XKR9: variants seen among roughly 807,000 people sequenced by gnomAD.
XKR9 encodes XK-related protein 9.
A neutral mutation model predicts 32.0 loss-of-function variants in XKR9; 32 were observed. The ratio of observed to expected loss-of-function variants is 1.00; its 90% CI spans 0.76 to 1.34. The LOEUF is 1.34. Ranked by LOEUF, XKR9 falls within the 40% of genes most tolerant of loss-of-function variation. The pLI is 0.00. For synonymous variants in XKR9, 168 were observed against 143.4 expected, an observed-to-expected ratio of 1.17 and a Z score of -1.22; for missense variants, 546 against 429.7, an observed-to-expected ratio of 1.27 and a Z score of -2.39.
At chr8:70,930,405 A>C in the XKR9 span, among the ~76,000 whole-genome samples, 1 of 152,096 alleles carries the variant, frequency 6.6e-6, no homozygotes, top group Non-Finnish European at 1.5e-5. Flanking sequence ...ATCTCTCTCA[A>C]AGTTATTTAC....
chr8:70,678,820 G>A (rs1818968160), intron 2 of XKR9, among the ~76,000 whole-genome samples: 2 of 152,182 alleles, frequency 1.3e-5, no homozygotes, highest in Admixed American at 6.5e-5. Flanking sequence ...ATACTTATAA[G>A]TGATAAAATG....
At chr8:71,002,606 T>C in the XKR9 span, among the ~76,000 whole-genome samples, 1 of 152,316 alleles carries the variant, frequency 6.6e-6, no homozygotes, top group South Asian at 2.1e-4. Context: ...TTGATACTAT[T>C]GTAACTACAA....
At chr8:70,702,400 C>T (rs1198677188) in intron 3 of XKR9, among the ~76,000 whole-genome samples, 6 of 152,058 alleles carry the variant, frequency 3.9e-5, no homozygotes, top group Non-Finnish European at 8.8e-5. Flanking sequence ...TTTTAACTTT[C>T]AGTTATTGAA....
downstream of XKR9, among the ~76,000 whole-genome samples, chr8:70,791,318 A>T (rs1807761674): frequency 6.6e-6 from 1 of 152,040 alleles, no homozygotes; most frequent in South Asian, 2.1e-4. Context: ...CACTTAAAAA[A>T]AAAAAAGAAT....
the XKR9 span, among the ~76,000 whole-genome samples, chr8:70,882,401 G>A: frequency 1.7e-4 from 26 of 151,652 alleles, no homozygotes; most frequent in Non-Finnish European, 2.4e-4. Flanking sequence ...CCTGTTTCTA[G>A]TTAAGAATTT....
At chr8:70,969,491 C>T in the XKR9 span, among the ~76,000 whole-genome samples, 4 of 152,186 alleles carry the variant, frequency 2.6e-5, no homozygotes, top group Admixed American at 6.5e-5. Context: ...AGTGCCCTAT[C>T]TCCTTTGGGT....
intron 3 of XKR9, among the ~76,000 whole-genome samples, chr8:70,682,577 A>G (rs1317517138): frequency 1.3e-5 from 2 of 152,192 alleles, no homozygotes; most frequent in Non-Finnish European, 2.9e-5. Context: ...TATACAAAAG[A>G]TGATAGAAGT....
chr8:71,044,673 T>C, the XKR9 span, among the ~76,000 whole-genome samples: 192 of 152,376 alleles, frequency 1.3e-3, 1 homozygote, highest in African/African-American at 4.3e-3. Flanking sequence ...TCTCTCATCA[T>C]GGCAAGATTC....
chr8:70,928,048 G>A, the XKR9 span, among the ~76,000 whole-genome samples: 2 of 152,196 alleles, frequency 1.3e-5, no homozygotes, highest in Admixed American at 6.5e-5. Flanking sequence ...CTAATTTCGT[G>A]TGTGTGTGTT....
intron 4 of XKR9, among the ~76,000 whole-genome samples, chr8:70,728,837 G>A (rs1806565455): frequency 1.3e-5 from 2 of 152,136 alleles, no homozygotes; most frequent in Admixed American, 1.3e-4. Flanking sequence ...ATTGATTTTG[G>A]TGAACTCTGT....
the XKR9 span, among the ~76,000 whole-genome samples, chr8:71,014,754 A>G: frequency 1.3e-5 from 2 of 152,222 alleles, no homozygotes; most frequent in Non-Finnish European, 2.9e-5. Flanking sequence ...CTTTTTGGAA[A>G]GAGTGTACTC....
chr8:70,693,776 G>C (rs1175770411), intron 3 of XKR9, among the ~76,000 whole-genome samples: 1 of 152,184 alleles, frequency 6.6e-6, no homozygotes, highest in African/African-American at 2.4e-5. Flanking sequence ...GTGGGAAATT[G>C]GTTGGCCTCT....
At chr8:71,010,967 G>A in the XKR9 span, among the ~76,000 whole-genome samples, 67,798 of 151,954 alleles carry the variant, frequency 0.45, 16,091 homozygotes, top group Non-Finnish European at 0.53. Context: ...GATAGATGGC[G>A]TGATTAAAAT....
the XKR9 span, among the ~76,000 whole-genome samples, chr8:70,916,914 A>T: frequency 6.8e-6 from 1 of 147,880 alleles, no homozygotes; most frequent in East Asian, 2.0e-4. Context: ...TAGGTACTTT[A>T]TGTTTTTAAT....
the XKR9 span, among the ~76,000 whole-genome samples, chr8:70,997,406 A>G: frequency 6.6e-6 from 1 of 152,192 alleles, no homozygotes; most frequent in Non-Finnish European, 1.5e-5. Flanking sequence ...CTTATATTAA[A>G]CATATTTTTA....
intron 4 of XKR9, among the ~76,000 whole-genome samples, chr8:70,715,931 A>C (rs1427605866): frequency 6.6e-6 from 1 of 152,082 alleles, no homozygotes; most frequent in African/African-American, 2.4e-5. Flanking sequence ...GCTTCTGAGA[A>C]ATTTTTTTCA....
chr8:70,906,173 T>G, the XKR9 span, among the ~76,000 whole-genome samples: 1 of 152,248 alleles, frequency 6.6e-6, no homozygotes, highest in Non-Finnish European at 1.5e-5. Context: ...CAGGGGCGTT[T>G]AAGTCTGCAG....
At chr8:70,987,269 C>G in the XKR9 span, among the ~76,000 whole-genome samples, 1 of 152,200 alleles carries the variant, frequency 6.6e-6, no homozygotes, top group African/African-American at 2.4e-5. Flanking sequence ...AGTGTTAACT[C>G]AAAAGTCCAC....
the XKR9 span, among the ~76,000 whole-genome samples, chr8:70,953,226 A>G: frequency 1.3e-5 from 2 of 152,216 alleles, no homozygotes; most frequent in South Asian, 4.1e-4. Context: ...TTAATTGAGC[A>G]CTCAGTGCTA....
Sources: allele counts gnomAD v4.1 joint callset (sites outside exome capture counted in the v4.1 genomes callset), GRCh38; gene constraint gnomAD v4.1.1; transcripts MANE v1.5; gene names NCBI Gene and HGNC (gene_info 2026-07-23, HGNC 2026-07-21).